ADAMTS3: variants seen among roughly 807,000 people sequenced by gnomAD.
ADAMTS3 encodes ADAM metallopeptidase with thrombospondin type 1 motif 3, also known as A disintegrin and metalloproteinase with thrombospondin motifs 3.
ADAMTS3 carries 73 observed loss-of-function variants against 129.0 expected under a neutral mutation model. The ratio of observed to expected loss-of-function variants is 0.57; its 90% confidence interval spans 0.47 to 0.69. The LOEUF (loss-of-function observed/expected upper bound fraction) is 0.69, where lower values mean the gene tolerates loss of function less well. Among genes scored for constraint, ADAMTS3 ranks in the 30% least tolerant of loss-of-function variants. The pLI, the probability that ADAMTS3 is intolerant of heterozygous loss-of-function variation, is 0.00. For missense variants in ADAMTS3, 1,457 were observed against 1,514.5 expected, an observed-to-expected ratio of 0.96 and a Z score of 0.63; for synonymous variants, 477 against 510.8, an observed-to-expected ratio of 0.93 and a Z score of 0.89.
rs943211051 is a variant in ADAMTS3, at chr4:72,303,769, G to C, written c.2424+148C>G. On this transcript the variant is annotated intron_variant, in intron 17 of 21. Transcript: ENST00000286657. ...ACATGAAAATATTGCACAAAGAGTGGGGGGAAAGATAAATGGAATTATTTT... is the reference window on the plus strand; with the variant it reads ...ACATGAAAATATTGCACAAAGAGTGCGGGGAAAGATAAATGGAATTATTTT... 5.5e-6 allele frequency: 4 copies of C among 726,526 alleles called. No homozygotes were observed. In the East Asian group the frequency reaches 1.1e-4, roughly 20 times the overall value. 45.0% of individuals were successfully genotyped at this position (726,526 alleles called of 1,614,324 possible).
intron 10 of ADAMTS3, among the ~76,000 whole-genome samples, chr4:72,318,293 G>T (rs1719453761): frequency 6.6e-6 from 1 of 152,138 alleles, no homozygotes; most frequent in Admixed American, 6.5e-5. Context: ...CAGTTCCCCT[G>T]TTTACCAGCT....
At chr4:72,292,750 TA>T (rs1183251165) in intron 19 of ADAMTS3, among the ~76,000 whole-genome samples, 7 of 152,210 alleles carry the variant, frequency 4.6e-5, no homozygotes, top group African/African-American at 9.6e-5. Flanking sequence ...CTCTGCAATT[TA>T]TTTTTCTTTC....
chr4:72,511,589 G>A (rs1029527753), intron 3 of ADAMTS3, among the ~76,000 whole-genome samples: 1 of 152,172 alleles, frequency 6.6e-6, no homozygotes. Flanking sequence ...CAGTTAAAAT[G>A]ACTTATACCC....
In ADAMTS3 at chr4:72,386,589, A is replaced by AAG. The variant is rs143849397; in HGVS notation, c.661+28224_661+28225dup. 1.4e-3 allele frequency among the ~76,000 whole-genome samples: 214 copies of AAG among 150,168 alleles called. 1 individual carries two copies. The highest frequency in any genetic ancestry group is 5.0e-3 in the African/African-American group (207 of 41,182). On this transcript the variant is annotated intron_variant, in intron 4 of 21. Transcript: ENST00000286657. ...TTACATTAAATTTAAGGGATGGGGG[A>AAG]AGAGAGAGAGAGAGAGACTGAACAA... is the stretch of plus-strand genomic sequence containing the variant.
Position 72,339,540 on chromosome 4 carries a change from T to C in ADAMTS3, c.815A>G (p.His272Arg). 1 of 1,613,982 alleles carries C rather than the reference T, an allele frequency of 6.2e-7. No homozygotes were observed. The highest frequency in any genetic ancestry group is 1.1e-5 in the South Asian group (1 of 91,076). Residue 272 changes from histidine to arginine, a missense_variant, in exon 5 of 22, where the codon CAT becomes CGT. By Grantham distance (29) the His-to-Arg change is conservative. Coordinates refer to ENST00000286657, the MANE Select transcript of ADAMTS3 (RefSeq NM_014243.3). ...GTAGTTTTGGACGTGCTCTTTGCCA[T>C]GGAAACGGACCACAGAGTCATCCAC... ...LGVDDSVVRF[H>R]GKEHVQNYLL...
chr4:72,311,833 C>T (rs567969674), intron 13 of ADAMTS3, among the ~76,000 whole-genome samples: 1 of 152,100 alleles, frequency 6.6e-6, no homozygotes, highest in African/African-American at 2.4e-5. Flanking sequence ...AGAAAATTTC[C>T]AAATATATCT....
intron 17 of ADAMTS3, among the ~76,000 whole-genome samples, chr4:72,300,288 T>A (rs1162659270): frequency 6.6e-6 from 1 of 152,104 alleles, no homozygotes; most frequent in African/African-American, 2.4e-5. Flanking sequence ...ATCTCCTAGC[T>A]ACAAATCTCC....
In ADAMTS3 at chr4:72,303,944, T is replaced by C. The variant is rs777697089; in HGVS notation, c.2397A>G (p.Gly799=). 3 of 1,613,586 alleles carry C rather than the reference T, an allele frequency of 1.9e-6. No individual in the cohort carries two copies. In the East Asian group the frequency reaches 6.7e-5, roughly 36 times the overall value. Residue 799 remains glycine, a synonymous_variant, in exon 17 of 22, where the codon GGA becomes GGG. Transcript: ENST00000286657. The part of the protein sequence containing the change: ...EDDIESLHTD[G]PLHDPVIVLI... ...AAACAATAACAGGATCATGTAAAGG[T>C]CCATCGGTGTGAAGACTTTCAATGT... is the stretch of plus-strand genomic sequence containing the variant.
At chr4:72,454,795 A>G (rs1247650632) in intron 3 of ADAMTS3, among the ~76,000 whole-genome samples, 1 of 151,712 alleles carries the variant, frequency 6.6e-6, no homozygotes, top group Non-Finnish European at 1.5e-5. Flanking sequence ...TTTGAAGCCT[A>G]TGAAGCCAGA....
chr4:72,549,996 AAGAG>A (rs1560563935), intron 2 of ADAMTS3, among the ~76,000 whole-genome samples: 120 of 8,740 alleles, frequency 0.014, 17 homozygotes, highest in African/African-American at 0.037. Flanking sequence ...GAAGAAGAGG[AAGAG>A]GAAGAAGAAG....
intron 5 of ADAMTS3, among the ~76,000 whole-genome samples, chr4:72,331,363 G>A (rs752947657): frequency 2.1e-4 from 32 of 152,136 alleles, no homozygotes; most frequent in Non-Finnish European, 4.1e-4. Context: ...TACACAACAA[G>A]GAGTTTGGAC....
chr4:72,495,848 T>C (rs1234457206), intron 3 of ADAMTS3, among the ~76,000 whole-genome samples: 2 of 152,196 alleles, frequency 1.3e-5, no homozygotes, highest in Non-Finnish European at 2.9e-5. Context: ...AATACAAACC[T>C]ACTATACAGC....
intron 4 of ADAMTS3, among the ~76,000 whole-genome samples, chr4:72,412,147 G>A (rs1382830587): frequency 6.6e-6 from 1 of 152,000 alleles, no homozygotes; most frequent in Non-Finnish European, 1.5e-5. Flanking sequence ...AACTCCTACT[G>A]ATGACTTGCT....
At chr4:72,516,557 T>A (rs187411763) in intron 3 of ADAMTS3, among the ~76,000 whole-genome samples, 1 of 152,300 alleles carries the variant, frequency 6.6e-6, no homozygotes, top group African/African-American at 2.4e-5. Flanking sequence ...TTCATGTCCC[T>A]TGTAAGTTGG....
intron 7 of ADAMTS3, among the ~76,000 whole-genome samples, 198 bp from the exon 8 acceptor site, chr4:72,320,161 A>T (rs1719515897): frequency 6.6e-6 from 1 of 152,026 alleles, no homozygotes; most frequent in Admixed American, 6.6e-5. Context: ...CTGGGTCTGC[A>T]TTTTCTCCTT....
chr4:72,524,007 C>A (rs1274339236), intron 3 of ADAMTS3, among the ~76,000 whole-genome samples: 2 of 152,016 alleles, frequency 1.3e-5, no homozygotes, highest in Non-Finnish European at 2.9e-5. Context: ...TAATGTATTT[C>A]CCTTTTAGGT....
chr4:72,335,894 T>C (rs1253359074), intron 5 of ADAMTS3, among the ~76,000 whole-genome samples: 1 of 152,194 alleles, frequency 6.6e-6, no homozygotes, highest in East Asian at 1.9e-4. Context: ...ATTATTTATA[T>C]TCATTTGTTC....
intron 3 of ADAMTS3, among the ~76,000 whole-genome samples, chr4:72,500,880 T>A (rs778514815): frequency 2.1e-4 from 32 of 152,054 alleles, no homozygotes; most frequent in Non-Finnish European, 2.2e-4. Flanking sequence ...GTCCTTTCCC[T>A]ATTGCTTACT....
intron 3 of ADAMTS3, among the ~76,000 whole-genome samples, chr4:72,515,445 C>G (rs2109730459): frequency 6.6e-6 from 1 of 151,306 alleles, no homozygotes; most frequent in South Asian, 2.1e-4. Flanking sequence ...AGTTTACAGT[C>G]CTACCAACAG....
Sources: allele counts gnomAD v4.1 joint callset (sites outside exome capture counted in the v4.1 genomes callset), GRCh38; gene constraint gnomAD v4.1.1; transcripts MANE v1.5; gene names NCBI Gene and HGNC (gene_info 2026-07-23, HGNC 2026-07-21).